GALNT13: variants seen among roughly 807,000 people sequenced by gnomAD.
GALNT13 encodes polypeptide N-acetylgalactosaminyltransferase 13, also known as UDP-GalNAc:polypeptide N-acetylgalactosaminyltransferase 13.
A neutral mutation model predicts 64.2 loss-of-function variants in GALNT13; 28 were observed. That is an observed-to-expected ratio of 0.44 (90% CI 0.32 to 0.60). The LOEUF is 0.60. Ranked by LOEUF, GALNT13 falls within the 20% of genes least tolerant of loss-of-function variation. The pLI, the probability that GALNT13 is intolerant of heterozygous loss-of-function variation, is 0.05. For synonymous variants in GALNT13, 214 were observed against 224.6 expected (o/e 0.95, Z 0.42); for missense variants, 577 against 669.8 (o/e 0.86, Z 1.53).
At chr2:153,379,786 A>G in the GALNT13 span, among the ~76,000 whole-genome samples, 7 of 152,156 alleles carry the variant, frequency 4.6e-5, no homozygotes, top group African/African-American at 1.7e-4. Flanking sequence ...TTCAGTAATC[A>G]TTTCCTGAAT....
chr2:154,168,427 A>G (rs1048029674), intron 4 of GALNT13, among the ~76,000 whole-genome samples: 3 of 152,056 alleles, frequency 2.0e-5, no homozygotes, highest in South Asian at 2.1e-4. Flanking sequence ...CTACTAATTG[A>G]CCTAATTTCA....
intron 3 of GALNT13, among the ~76,000 whole-genome samples, chr2:153,967,115 G>A (rs1037637602): frequency 2.0e-5 from 3 of 152,078 alleles, no homozygotes; most frequent in Non-Finnish European, 4.4e-5. Context: ...TCTCTGAGAG[G>A]ATTCTGAATT....
intron 12 of GALNT13, among the ~76,000 whole-genome samples, 172 bp from the exon 13 acceptor site, chr2:154,450,239 G>C (rs1701817679): frequency 6.6e-6 from 1 of 152,000 alleles, no homozygotes; most frequent in African/African-American, 2.4e-5. Flanking sequence ...AACAGTCAAA[G>C]ATGTATAATA....
chr2:153,608,714 A>G, the GALNT13 span, among the ~76,000 whole-genome samples: 3 of 147,718 alleles, frequency 2.0e-5, no homozygotes, highest in Non-Finnish European at 4.5e-5. Flanking sequence ...ATATATAAAT[A>G]TGTAAATATA....
the GALNT13 span, among the ~76,000 whole-genome samples, chr2:153,847,044 T>A: frequency 7.2e-5 from 11 of 152,148 alleles, no homozygotes; most frequent in East Asian, 2.1e-3. Flanking sequence ...AGTAAAAGGA[T>A]GGCAAAATGT....
downstream of GALNT13, among the ~76,000 whole-genome samples, chr2:154,454,908 G>A (rs1333999597): frequency 2.0e-5 from 3 of 152,052 alleles, no homozygotes; most frequent in Non-Finnish European, 4.4e-5. Context: ...TTAAAAGTAA[G>A]GTTTGGCCTA....
chr2:154,303,617 A>C (rs983840352), intron 9 of GALNT13, among the ~76,000 whole-genome samples: 1 of 152,146 alleles, frequency 6.6e-6, no homozygotes. Flanking sequence ...AAGTAATTTC[A>C]TCTTAACTCC....
chr2:154,031,265 T>G (rs951238881), intron 3 of GALNT13, among the ~76,000 whole-genome samples: 10 of 151,908 alleles, frequency 6.6e-5, no homozygotes, highest in Admixed American at 4.6e-4. Flanking sequence ...TTTTGAAAAA[T>G]TATGTATTGT....
rs1193791488 is a variant in GALNT13, at chr2:154,322,337, A to T, written c.1156+20748A>T. ...ATACAAGACCATTTTCTCCCACTTG[A>T]TCATGCTGGTATGAGTGGGATGATT... On this transcript the variant is annotated intron_variant, in intron 9 of 12. Transcript: ENST00000392825. 2.0e-5 allele frequency among the ~76,000 whole-genome samples: 3 copies of T among 151,784 alleles called. No homozygotes were observed. In the East Asian group the frequency reaches 5.8e-4, roughly 30 times the overall value.
the GALNT13 span, among the ~76,000 whole-genome samples, chr2:153,569,369 A>G: frequency 6.6e-6 from 1 of 152,032 alleles, no homozygotes; most frequent in African/African-American, 2.4e-5. Context: ...TTTAAAAATT[A>G]TCTGCTCAGG....
the GALNT13 span, among the ~76,000 whole-genome samples, chr2:153,204,971 C>A: frequency 7.9e-5 from 12 of 152,192 alleles, no homozygotes; most frequent in East Asian, 2.1e-3. Flanking sequence ...AATATTGCAA[C>A]AAGATTCAGT....
the GALNT13 span, among the ~76,000 whole-genome samples, chr2:153,769,840 T>C: frequency 6.6e-6 from 1 of 152,214 alleles, no homozygotes; most frequent in Non-Finnish European, 1.5e-5. Context: ...TCTGAAATTC[T>C]TTCACTCAAT....
intron 3 of GALNT13, among the ~76,000 whole-genome samples, chr2:153,975,487 A>G (rs575150203): frequency 1.3e-5 from 2 of 152,222 alleles, no homozygotes; most frequent in East Asian, 3.9e-4. Flanking sequence ...CCCAAATTGC[A>G]AGTTATGTTC....
At chr2:154,217,317 T>C (rs1053379868) in intron 4 of GALNT13, among the ~76,000 whole-genome samples, 2 of 152,116 alleles carry the variant, frequency 1.3e-5, no homozygotes, top group African/African-American at 2.4e-5. Context: ...TTTTGAAACA[T>C]ATGAATGAGC....
At chr2:153,302,667 T>C in the GALNT13 span, among the ~76,000 whole-genome samples, 1 of 152,198 alleles carries the variant, frequency 6.6e-6, no homozygotes, top group Non-Finnish European at 1.5e-5. Context: ...TGTTTTCTTC[T>C]AGTAGTTTTA....
chr2:154,149,653 A>C (rs2105614445), intron 4 of GALNT13, among the ~76,000 whole-genome samples: 1 of 152,124 alleles, frequency 6.6e-6, no homozygotes, highest in East Asian at 1.9e-4. Flanking sequence ...GTCCCTTGTA[A>C]GTTGGATTCC....
chr2:154,241,271 C>T (rs1689474357), intron 4 of GALNT13, among the ~76,000 whole-genome samples: 1 of 152,186 alleles, frequency 6.6e-6, no homozygotes, highest in South Asian at 2.1e-4. Context: ...CCTGTCCTCA[C>T]CCAGGGTCTG....
intron 4 of GALNT13, among the ~76,000 whole-genome samples, chr2:154,211,503 C>T (rs1311822260): frequency 2.6e-5 from 4 of 151,292 alleles, no homozygotes; most frequent in African/African-American, 9.7e-5. Context: ...TGATGCATGC[C>T]TGTAATTCCA....
At chr2:153,126,016 C>T in the GALNT13 span, among the ~76,000 whole-genome samples, 1 of 151,820 alleles carries the variant, frequency 6.6e-6, no homozygotes, top group African/African-American at 2.4e-5. Context: ...GGCCTTTGGT[C>T]ATTCTAGTTC....
Sources: allele counts gnomAD v4.1 joint callset (sites outside exome capture counted in the v4.1 genomes callset), GRCh38; gene constraint gnomAD v4.1.1; transcripts MANE v1.5; gene names NCBI Gene and HGNC (gene_info 2026-07-23, HGNC 2026-07-21).